GPRC5B: variants seen among roughly 807,000 people sequenced by gnomAD.
The protein encoded by GPRC5B is G protein-coupled receptor class C group 5 member B, also known as G protein-coupled receptor family C group 5 member B.
In GPRC5B, 16 loss-of-function variants were observed where a neutral mutation model predicts 30.1. The observed-to-expected ratio is 0.53, with a 90% CI of 0.36 to 0.81. GPRC5B has a LOEUF of 0.81. Among genes scored for constraint, GPRC5B ranks in the 30% least tolerant of loss-of-function variants. GPRC5B has a pLI of 0.01. For missense variants in GPRC5B, 428 were observed against 544.7 expected, an observed-to-expected ratio of 0.79 and a Z score of 2.13; for synonymous variants, 241 against 239.5, an observed-to-expected ratio of 1.01 and a Z score of -0.06.
chr16:19,874,298 C>T (rs932366199), intron 1 of GPRC5B, among the ~76,000 whole-genome samples: 1 of 152,154 alleles, frequency 6.6e-6, no homozygotes, highest in Non-Finnish European at 1.5e-5. Flanking sequence ...CCCCTCTGCT[C>T]CCTCTGCCTG....
At position 19,876,095 on chromosome 16, in the gene GPRC5B, T is replaced by C. The variant is rs2056757376; in HGVS notation, c.-1-3249A>G. 1.3e-5 allele frequency among the ~76,000 whole-genome samples: 2 copies of C among 152,188 alleles called. 1 individual carries two copies. Among genetic ancestry groups the C allele is most frequent in the South Asian group, 4.1e-4 (2 of 4,826 alleles). ...GCTGCAAGCAGCCTCTCTAATCCCA[T>C]CCAGCCCCAGGGTGGCTGGGAGGAT... On this transcript the variant is annotated intron_variant, in intron 1 of 3. Transcript: ENST00000300571.
intron 2 of GPRC5B, among the ~76,000 whole-genome samples, chr16:19,868,748 G>A (rs1377298227): frequency 1.3e-5 from 2 of 152,206 alleles, no homozygotes; most frequent in Non-Finnish European, 2.9e-5. Context: ...ATCTAGCGGA[G>A]AGGCCACTGG....
At chr16:19,880,299 A>G (rs1375085023) in intron 1 of GPRC5B, among the ~76,000 whole-genome samples, 1 of 149,558 alleles carries the variant, frequency 6.7e-6, no homozygotes, top group Non-Finnish European at 1.5e-5. Flanking sequence ...TCGCCTAGGT[A>G]TTTGTCCACC....
chr16:19,864,310 C>A (rs1036191499), intron 2 of GPRC5B, among the ~76,000 whole-genome samples: 1 of 152,242 alleles, frequency 6.6e-6, no homozygotes, highest in South Asian at 2.1e-4. Context: ...CAGCCCAAAG[C>A]CCCTAATAGA....
At chr16:19,885,053 G>T, upstream of GPRC5B, 1 of 685,244 alleles carries the variant, frequency 1.5e-6, no homozygotes, top group Non-Finnish European at 2.2e-6. This position sits in a 1 kb window ranked among gnomAD's most constrained non-coding sequence, Gnocchi z 5.3. Context: ...TTCTAGCCCG[G>T]ATCTCAGAGA....
Position 19,860,168 on chromosome 16 carries a change from T to C in GPRC5B, c.*332A>G. ...CCACCAGCTGTGAATTTGGTTCTGT[T>C]CTACCCCCAGAGGATGAAACAGTCT... On this transcript the variant is annotated 3_prime_UTR_variant, in exon 4 of 4. Transcript: ENST00000300571. 3.8e-6 allele frequency: 1 copy of C among 260,040 alleles called. No homozygotes were observed. The highest frequency in any genetic ancestry group is 7.4e-6 in the Non-Finnish European group (1 of 135,098). 16.1% of individuals were successfully genotyped at this position (260,040 alleles called of 1,614,324 possible).
At position 19,863,596 on chromosome 16, in the gene GPRC5B, C is replaced by T. The variant is rs2056644363; in HGVS notation, c.1031-1623G>A. ...CACTGCAACCTCCACCTGCCAGATT[C>T]CAGCGATTCTCCTGCCTCAGCCTCC... On this transcript the variant is annotated intron_variant, in intron 2 of 3. Transcript: ENST00000300571. Among the ~76,000 whole-genome samples the T allele has an allele frequency of 2.0e-5, 3 of 150,994 alleles. No individual in the cohort carries two copies. In the South Asian group the frequency reaches 6.3e-4, roughly 32 times the overall value.
chr16:19,884,737 G>T lies in GPRC5B; in HGVS notation c.-12C>A. On this transcript the variant is annotated 5_prime_UTR_variant, in exon 1 of 4. Coordinates refer to ENST00000300571, the MANE Select transcript of GPRC5B (RefSeq NM_016235.3). ...GCAGCTCGCACTTACCGACCCCCGC[G>T]GCCCCGCAGCGCCGACGCTCCAGCT... The T allele has an allele frequency of 3.0e-6, 3 of 984,972 alleles. No homozygotes were observed. The highest frequency in any genetic ancestry group is 9.4e-5 in the South Asian group (2 of 21,276). The allele number at this position is 984,972 out of a possible 1,614,324, so 61.0% of individuals were successfully genotyped here. A position where few individuals can be genotyped will look rare whatever the true frequency, so the allele number is the denominator to read the frequency against.
At chr16:19,870,026 G>A (rs2056702049) in intron 2 of GPRC5B, among the ~76,000 whole-genome samples, 1 of 152,164 alleles carries the variant, frequency 6.6e-6, no homozygotes, top group Admixed American at 6.5e-5. Context: ...AGTGAACTGT[G>A]ATTGTGCCAC....
At position 19,872,381 on chromosome 16, in the gene GPRC5B, C is replaced by A; in HGVS notation, c.465G>T (p.Thr155=). ...WRVRRLVRHG[T]GPAGWQLVGL... ...CCACCAGCTGCCAGCCCGCGGGGCC[C>A]GTGCCATGCCGCACCAGCCTCCGCA... The change falls in exon 2 of 4, where the codon ACG becomes ACT. Residue 155 remains threonine (T), a synonymous_variant. Transcript: ENST00000300571. This position sits in a 1 kb window ranked among gnomAD's most constrained non-coding sequence, Gnocchi z 5.0. 1 of 1,613,388 alleles carries A rather than the reference C, an allele frequency of 6.2e-7. No individual in the cohort carries two copies. The highest frequency in any genetic ancestry group is 1.1e-5 in the South Asian group (1 of 91,032).
intron 2 of GPRC5B, among the ~76,000 whole-genome samples, chr16:19,867,637 C>A (rs1054048786): frequency 2.0e-5 from 3 of 152,154 alleles, no homozygotes; most frequent in Non-Finnish European, 4.4e-5. Flanking sequence ...TAGAACAATT[C>A]CCTAGAGAAA....
At chr16:19,870,960 G>A (rs2056712410) in intron 2 of GPRC5B, among the ~76,000 whole-genome samples, 1 of 144,266 alleles carries the variant, frequency 6.9e-6, no homozygotes, top group Non-Finnish European at 1.5e-5. Context: ...AAATAAATTG[G>A]CTGGCAATTG....
chr16:19,876,188 C>G (rs1045132430), intron 1 of GPRC5B, among the ~76,000 whole-genome samples: 1 of 152,242 alleles, frequency 6.6e-6, no homozygotes, highest in African/African-American at 2.4e-5. Flanking sequence ...ACCCAGTAGG[C>G]CAGTGGTTCC....
At chr16:19,864,397 T>C (rs982885905) in intron 2 of GPRC5B, among the ~76,000 whole-genome samples, 1 of 152,278 alleles carries the variant, frequency 6.6e-6, no homozygotes, top group Admixed American at 6.5e-5. Context: ...CAAGATGTGA[T>C]TCGAGGTGCT....
intron 3 of GPRC5B, among the ~76,000 whole-genome samples, chr16:19,861,304 A>G (rs1397892124): frequency 2.0e-5 from 3 of 152,182 alleles, no homozygotes; most frequent in Non-Finnish European, 4.4e-5. Flanking sequence ...AACGTAAACA[A>G]TGACAATTCT....
chr16:19,874,702 G>A (rs927795548), intron 1 of GPRC5B: 1 of 152,250 alleles, frequency 6.6e-6, no homozygotes, highest in Non-Finnish European at 1.5e-5. Context: ...TCTAGACAGT[G>A]CTAGATGTCC....
At chr16:19,880,438 A>AAAATAAAATAAAATAAAAT (rs2056798034) in intron 1 of GPRC5B, among the ~76,000 whole-genome samples, 1 of 108,294 alleles carries the variant, frequency 9.2e-6, no homozygotes, top group Non-Finnish European at 2.3e-5. Flanking sequence ...TAAATAAAAT[A>AAAATAAAATAAAATAAAAT]AAATAAAATA....
intron 2 of GPRC5B, 29 bp from the exon 3 acceptor site, chr16:19,862,002 C>G: frequency 6.2e-7 from 1 of 1,610,238 alleles, no homozygotes; most frequent in Non-Finnish European, 8.5e-7. Context: ...GGCAAGACAA[C>G]ATTGCCAAAA....
At position 19,861,975 on chromosome 16, in the gene GPRC5B, T is replaced by C. The variant is rs2056628508; in HGVS notation, c.1031-2A>G. The C allele has an allele frequency of 1.2e-6, 2 of 1,613,678 alleles. No homozygotes were observed. Among genetic ancestry groups the C allele is most frequent in the Non-Finnish European group, 1.7e-6 (2 of 1,179,902 alleles). On this transcript the variant is annotated splice_acceptor_variant, in intron 2 of 3. Coordinates refer to ENST00000300571, the MANE Select transcript of GPRC5B (RefSeq NM_016235.3). LOFTEE classifies it high-confidence loss of function. ...TGGGAAATCCTGCTGTTCGGAGAGC[T>C]GGGGGAGGGAGGGATTGGCAAGACA...
Sources: allele counts gnomAD v4.1 joint callset (sites outside exome capture counted in the v4.1 genomes callset), GRCh38; gene constraint gnomAD v4.1.1; non-coding constraint Gnocchi (gnomAD v3.1); transcripts MANE v1.5; gene names NCBI Gene and HGNC (gene_info 2026-07-23, HGNC 2026-07-21).